Variants in MAP7D2 observed in about 807,000 individuals in gnomAD.
MAP7D2 encodes MAP7 domain-containing protein 2.
A neutral mutation model predicts 63.5 loss-of-function variants in MAP7D2; 33 were observed. The ratio of observed to expected loss-of-function variants is 0.52; its 90% CI spans 0.39 to 0.70. The LOEUF (loss-of-function observed/expected upper bound fraction) is 0.70, where lower values mean the gene tolerates loss of function less well. MAP7D2 is among the 30% of genes least tolerant of loss of function. The pLI, the probability that MAP7D2 is intolerant of heterozygous loss-of-function variation, is 0.00. For missense variants in MAP7D2, 626 were observed against 604.0 expected (o/e 1.04, Z -0.38); for synonymous variants, 224 against 223.7 (o/e 1.00, Z -0.01).
At chrX:20,091,832 A>G (rs2066078500) in intron 1 of MAP7D2, among the ~76,000 whole-genome samples, 1 of 112,190 alleles carries the variant, frequency 8.9e-6, no homozygotes, top group African/African-American at 3.2e-5. Flanking sequence ...TAGATAGACT[A>G]AATAGGATCC....
In MAP7D2 at chrX:20,006,851, C is replaced by T. The variant is rs1273679228; in HGVS notation, c.*1574G>A. 2.7e-5 allele frequency: 3 copies of T among 111,878 alleles called. No homozygotes were observed. The highest frequency in any genetic ancestry group is 5.6e-5 in the Non-Finnish European group (3 of 53,210). 9.2% of individuals were successfully genotyped at this position (111,878 alleles called of 1,213,427 possible). ...CATTGAGCTTACAGAAAAAATAAAA[C>T]GCTAGCAAGTCATCAGACTCTTCAA... is the stretch of plus-strand genomic sequence containing the variant. On this transcript the variant is annotated 3_prime_UTR_variant, in exon 17 of 17. Transcript: ENST00000379643.
intron 6 of MAP7D2, among the ~76,000 whole-genome samples, chrX:20,048,964 T>C (rs2148309035): frequency 9.1e-6 from 1 of 110,112 alleles, no homozygotes; most frequent in South Asian, 3.9e-4. Flanking sequence ...TACGTATATG[T>C]ATACGTATAC....
rs556461623 is a variant in MAP7D2 at position 20,054,481 on chromosome X, C to G, written c.485-1493G>C. Among the ~76,000 whole-genome samples, 23 of 111,639 alleles carry G rather than the reference C, an allele frequency of 2.1e-4. No homozygotes were observed. The South Asian group carries it at 8.3e-3, about 40-fold the overall frequency. On this transcript the variant is annotated intron_variant, in intron 4 of 16. Coordinates refer to ENST00000379643, the MANE Select transcript of MAP7D2 (RefSeq NM_001168465.2). Reference sequence around the variant, plus strand: ...ATCTTTATTACTGAGATTTTTGGCACTCCCTTAAATTGTATGCTCTAGTCA... The same window carrying G: ...ATCTTTATTACTGAGATTTTTGGCAGTCCCTTAAATTGTATGCTCTAGTCA...
chrX:20,070,986 G>A (rs2065487845), intron 1 of MAP7D2, among the ~76,000 whole-genome samples: 1 of 112,124 alleles, frequency 8.9e-6, no homozygotes, highest in South Asian at 3.7e-4. Context: ...CACATTAAAT[G>A]AATTTTAAAA....
intron 1 of MAP7D2, among the ~76,000 whole-genome samples, chrX:20,111,112 C>A (rs777055244): frequency 9.0e-6 from 1 of 111,599 alleles, no homozygotes; most frequent in African/African-American, 3.3e-5. Context: ...CAATGAGAGA[C>A]CATCTTGGAC....
intron 1 of MAP7D2, among the ~76,000 whole-genome samples, chrX:20,083,668 T>C (rs914994308): frequency 8.9e-6 from 1 of 112,058 alleles, no homozygotes; most frequent in African/African-American, 3.2e-5. Context: ...ATTTCTATTA[T>C]AGCTGACCGA....
At chrX:20,061,531 C>A (rs1603381731) in intron 3 of MAP7D2, among the ~76,000 whole-genome samples, 1 of 112,466 alleles carries the variant, frequency 8.9e-6, no homozygotes, top group Middle Eastern at 4.6e-3. Flanking sequence ...GAAGAGGGAA[C>A]CAAGCTCAGC....
intron 16 of MAP7D2, 51 bp downstream of exon 16, chrX:20,010,726 C>T (rs764802936): frequency 1.6e-5 from 17 of 1,071,082 alleles, no homozygotes; most frequent in Admixed American, 8.4e-5. Flanking sequence ...CCTATCTTCA[C>T]AAACCCCAGT....
At chrX:20,024,711 T>C (rs1457774972) in intron 10 of MAP7D2, among the ~76,000 whole-genome samples, 1 of 112,135 alleles carries the variant, frequency 8.9e-6, no homozygotes. Context: ...CTGTGCCATT[T>C]AGATCCAAGA....
intron 1 of MAP7D2, among the ~76,000 whole-genome samples, chrX:20,088,295 CTT>C (rs10713735): frequency 2.8e-4 from 24 of 86,291 alleles, no homozygotes; most frequent in African/African-American, 4.0e-4. Flanking sequence ...CAATAGTTTT[CTT>C]TTTTTTTTTT....
intron 1 of MAP7D2, among the ~76,000 whole-genome samples, chrX:20,095,654 G>C (rs1039277580): frequency 2.7e-5 from 3 of 111,852 alleles, no homozygotes; most frequent in Non-Finnish European, 5.6e-5. Context: ...TCAAATAGAT[G>C]TATGCACACC....
At chrX:20,060,394 G>GAAAGA (rs1200109788) in intron 3 of MAP7D2, among the ~76,000 whole-genome samples, 1 of 93,478 alleles carries the variant, frequency 1.1e-5, no homozygotes, top group Non-Finnish European at 2.1e-5. Flanking sequence ...GTGCAGAAAA[G>GAAAGA]AAAGAAAAGA....
chrX:20,042,726 C>G, intron 7 of MAP7D2, 97 bp from the exon 8 acceptor site: 1 of 1,034,039 alleles, frequency 9.7e-7, no homozygotes, highest in Non-Finnish European at 1.3e-6. Flanking sequence ...AGCTTTCTTT[C>G]AGAGGGATCG....
chrX:20,036,098 C>T (rs767211995), intron 8 of MAP7D2, among the ~76,000 whole-genome samples: 2 of 110,440 alleles, frequency 1.8e-5, no homozygotes, highest in Admixed American at 1.9e-4. Context: ...TACACTTGCA[C>T]GTGAAGAAGG....
At chrX:20,100,201 T>C (rs1174689051) in intron 1 of MAP7D2, among the ~76,000 whole-genome samples, 1 of 112,292 alleles carries the variant, frequency 8.9e-6, no homozygotes, top group African/African-American at 3.2e-5. Flanking sequence ...ATATTCATAA[T>C]ATAATGCTTA....
intron 8 of MAP7D2, among the ~76,000 whole-genome samples, chrX:20,037,110 T>C (rs1194781758): frequency 9.1e-6 from 1 of 109,309 alleles, no homozygotes; most frequent in Non-Finnish European, 1.9e-5. Context: ...TAGATGTATA[T>C]ATAAAGGGGA....
intron 8 of MAP7D2, among the ~76,000 whole-genome samples, chrX:20,040,321 G>C (rs1412944307): frequency 8.9e-6 from 1 of 111,827 alleles, no homozygotes; most frequent in Non-Finnish European, 1.9e-5. Flanking sequence ...TATCCTATTA[G>C]TTCTGTCCCT....
rs142917126 is a variant in MAP7D2, at chrX:20,112,117, G to A, written c.130+4633C>T. Among the ~76,000 whole-genome samples the A allele has an allele frequency of 6.5e-3, 731 of 111,939 alleles. 1 individual carries two copies. Among genetic ancestry groups the A allele is most frequent in the Non-Finnish European group, 0.012 (617 of 53,162 alleles). ...ACACAGAGGGTGGGACGGATGAAGC[G>A]GGTGAGATGACAAAGGAGCAAGGAA... is the stretch of plus-strand genomic sequence containing the variant. On this transcript the variant is annotated intron_variant, in intron 1 of 16. Transcript: ENST00000379643.
chrX:20,050,807 A>G lies in MAP7D2; in HGVS notation c.718+17T>C. 1 of 1,168,724 alleles carries G rather than the reference A, an allele frequency of 8.6e-7. No homozygotes were observed. Among genetic ancestry groups the G allele is most frequent in the East Asian group, 3.0e-5 (1 of 32,965 alleles). ...TTCGGGCATTTTCCTTGGTGTTACC[A>G]GCTTAGCCTCTTTTACCTGAATCAT... On this transcript the variant is annotated intron_variant, in intron 6 of 16. Transcript: ENST00000379643.
Sources: allele counts gnomAD v4.1 joint callset (sites outside exome capture counted in the v4.1 genomes callset), GRCh38; gene constraint gnomAD v4.1.1; transcripts MANE v1.5; gene names NCBI Gene and HGNC (gene_info 2026-07-23, HGNC 2026-07-21).